SLC24A2: variants seen among roughly 807,000 people sequenced by gnomAD.
SLC24A2 encodes the protein sodium/potassium/calcium exchanger 2.
In SLC24A2, 36 loss-of-function variants were observed where a neutral mutation model predicts 62.0. That is an observed-to-expected ratio of 0.58 (90% CI 0.44 to 0.77). The LOEUF (loss-of-function observed/expected upper bound fraction) is 0.77. SLC24A2 is among the 30% of genes least tolerant of loss of function. The pLI, the probability that SLC24A2 is intolerant of heterozygous loss-of-function variation, is 0.00. For synonymous variants in SLC24A2, 358 were observed against 294.0 expected, an observed-to-expected ratio of 1.22 and a Z score of -2.23; for missense variants, 846 against 817.9, an observed-to-expected ratio of 1.03 and a Z score of -0.42.
intron 2 of SLC24A2, among the ~76,000 whole-genome samples, chr9:19,646,874 T>C (rs1360329811): frequency 1.3e-5 from 2 of 151,994 alleles, no homozygotes; most frequent in East Asian, 3.9e-4. Flanking sequence ...CTCACACACA[T>C]GGAGGGAAAG....
At position 19,694,796 on chromosome 9, in the gene SLC24A2, C is replaced by G. The variant is rs181189602; in HGVS notation, c.931-72497G>C. Among the ~76,000 whole-genome samples the G allele has an allele frequency of 1.5e-4, 23 of 152,244 alleles. No individual in the cohort carries two copies. In the Middle Eastern group the frequency reaches 0.01, roughly 68 times the overall value. The stretch of plus-strand genomic sequence containing the variant: ...CCTATGGAGACAGGAGGCTGAGCAT[C>G]TGCAGAATTTAAACTAGGAGGCTTG... On this transcript the variant is annotated intron_variant, in intron 2 of 10. Transcript: ENST00000341998.
chr9:20,102,674 G>A, the SLC24A2 span, among the ~76,000 whole-genome samples: 12 of 150,128 alleles, frequency 8.0e-5, no homozygotes, highest in African/African-American at 2.4e-4. Context: ...CAAAAAAAAA[G>A]ACATTTCCAA....
intron 2 of SLC24A2, among the ~76,000 whole-genome samples, chr9:19,707,377 A>G (rs1424828492): frequency 6.6e-6 from 1 of 152,228 alleles, no homozygotes; most frequent in Non-Finnish European, 1.5e-5. Context: ...ATCAATAGAA[A>G]AAGAGGGAAT....
the SLC24A2 span, among the ~76,000 whole-genome samples, chr9:19,994,860 G>A: frequency 6.6e-6 from 1 of 152,214 alleles, no homozygotes; most frequent in African/African-American, 2.4e-5. Flanking sequence ...ACTTCACTGA[G>A]AGGTCTCTTC....
the SLC24A2 span, among the ~76,000 whole-genome samples, chr9:20,070,821 T>C: frequency 2.0e-5 from 3 of 152,216 alleles, no homozygotes; most frequent in African/African-American, 7.2e-5. Context: ...GAGAGAATAC[T>C]CCCAGGGTGT....
At chr9:19,903,042 T>TTC in the SLC24A2 span, among the ~76,000 whole-genome samples, 1 of 151,366 alleles carries the variant, frequency 6.6e-6, no homozygotes, top group East Asian at 2.0e-4. Flanking sequence ...AATCAGGCTT[T>TTC]TTTTTTTTTT....
chr9:19,621,810 T>C (rs765868982), intron 3 of SLC24A2, among the ~76,000 whole-genome samples: 12 of 152,356 alleles, frequency 7.9e-5, no homozygotes, highest in Non-Finnish European at 1.0e-4. Context: ...TTGTGTATTA[T>C]ATATACATTA....
chr9:19,536,207 T>TA (rs1463137714), intron 8 of SLC24A2, among the ~76,000 whole-genome samples: 8 of 148,856 alleles, frequency 5.4e-5, no homozygotes, highest in African/African-American at 1.8e-4. Context: ...TTTATTTATT[T>TA]TTTTTTATTA....
the SLC24A2 span, among the ~76,000 whole-genome samples, chr9:20,090,698 T>C: frequency 6.6e-6 from 1 of 151,770 alleles, no homozygotes; most frequent in Non-Finnish European, 1.5e-5. Context: ...AAAAGAAGCC[T>C]ACTGACTATA....
At chr9:19,905,570 C>T in the SLC24A2 span, among the ~76,000 whole-genome samples, 4 of 151,960 alleles carry the variant, frequency 2.6e-5, no homozygotes, top group Non-Finnish European at 5.9e-5. Context: ...TGCGCTACCA[C>T]ACCCGGCTAA....
chr9:20,232,020 T>A, the SLC24A2 span, among the ~76,000 whole-genome samples: 1 of 152,252 alleles, frequency 6.6e-6, no homozygotes, highest in African/African-American at 2.4e-5. Flanking sequence ...TGGTTCTGTT[T>A]ATATGCTGGA....
At chr9:19,942,829 G>T in the SLC24A2 span, among the ~76,000 whole-genome samples, 1 of 152,142 alleles carries the variant, frequency 6.6e-6, no homozygotes, top group Non-Finnish European at 1.5e-5. Context: ...GGGAAGTCGT[G>T]GATGTTTATT....
At chr9:20,296,953 T>C in the SLC24A2 span, among the ~76,000 whole-genome samples, 155 of 152,264 alleles carry the variant, frequency 1.0e-3, no homozygotes, top group Non-Finnish European at 1.8e-3. Context: ...CATTCTTTTA[T>C]GCTTCTCAAA....
the SLC24A2 span, among the ~76,000 whole-genome samples, chr9:20,151,201 C>T: frequency 2.0e-5 from 3 of 151,938 alleles, no homozygotes; most frequent in East Asian, 1.9e-4. Flanking sequence ...AATGGGCCTT[C>T]CCCTCTTCCC....
At chr9:19,763,782 T>A (rs1240948833) in intron 2 of SLC24A2, among the ~76,000 whole-genome samples, 1 of 152,162 alleles carries the variant, frequency 6.6e-6, no homozygotes, top group Non-Finnish European at 1.5e-5. Flanking sequence ...TCTTTTTTTG[T>A]TGTGTCTCTG....
chr9:19,947,412 GAGGA>G, the SLC24A2 span, among the ~76,000 whole-genome samples: 8 of 150,526 alleles, frequency 5.3e-5, no homozygotes, highest in African/African-American at 7.3e-5. Context: ...AGGAAGGAAG[GAGGA>G]AGGAAGGAAG....
the SLC24A2 span, among the ~76,000 whole-genome samples, chr9:20,195,074 G>T: frequency 6.6e-6 from 1 of 152,018 alleles, no homozygotes; most frequent in African/African-American, 2.4e-5. Flanking sequence ...TTCTTCCCCA[G>T]CTCATGTTGA....
the SLC24A2 span, among the ~76,000 whole-genome samples, chr9:20,002,734 C>T: frequency 6.6e-6 from 1 of 152,170 alleles, no homozygotes; most frequent in Non-Finnish European, 1.5e-5. Context: ...GGTTTGTCTT[C>T]TTCCATATAT....
chr9:20,020,616 T>C, the SLC24A2 span, among the ~76,000 whole-genome samples: 3 of 152,052 alleles, frequency 2.0e-5, no homozygotes, highest in Non-Finnish European at 4.4e-5. Flanking sequence ...GAAATACCTA[T>C]TGTAGATGAT....
Sources: allele counts gnomAD v4.1 joint callset (sites outside exome capture counted in the v4.1 genomes callset), GRCh38; gene constraint gnomAD v4.1.1; transcripts MANE v1.5; gene names NCBI Gene and HGNC (gene_info 2026-07-23, HGNC 2026-07-21).